FCHSD2: variants seen among roughly 807,000 people sequenced by gnomAD.
FCHSD2 encodes FCH and double SH3 domains 2.
Under a neutral mutation model 108.1 loss-of-function variants are expected in FCHSD2, and 38 were observed. That is an observed-to-expected ratio of 0.35 (90% CI 0.27 to 0.46). The LOEUF is 0.46. Ranked by LOEUF, FCHSD2 falls within the 20% of genes least tolerant of loss-of-function variation. The pLI, the probability that FCHSD2 is intolerant of heterozygous loss-of-function variation, is 1.00. For synonymous variants in FCHSD2, 279 were observed against 314.7 expected, an observed-to-expected ratio of 0.89 and a Z score of 1.20; for missense variants, 751 against 897.8, an observed-to-expected ratio of 0.84 and a Z score of 2.09.
intron 2 of FCHSD2, among the ~76,000 whole-genome samples, chr11:73,108,054 T>C (rs1860386919): frequency 1.3e-5 from 2 of 152,368 alleles, no homozygotes; most frequent in South Asian, 4.1e-4. Context: ...GGGTCCCCTT[T>C]TCTCCACATC....
At chr11:72,926,330 C>G (rs1407712755) in intron 8 of FCHSD2, among the ~76,000 whole-genome samples, 2 of 152,132 alleles carry the variant, frequency 1.3e-5, no homozygotes, top group Non-Finnish European at 1.5e-5. Flanking sequence ...TGGGCTCAGA[C>G]AGAGCAGAGC....
intron 3 of FCHSD2, among the ~76,000 whole-genome samples, chr11:73,058,025 G>A (rs1859070138): frequency 6.6e-6 from 1 of 151,932 alleles, no homozygotes; most frequent in Non-Finnish European, 1.5e-5. Context: ...GACTACAGGC[G>A]CCCACGACCA....
intron 3 of FCHSD2, among the ~76,000 whole-genome samples, chr11:73,018,663 TTTTTGCCA>T (rs928323704): frequency 5.8e-4 from 89 of 152,242 alleles, no homozygotes; most frequent in African/African-American, 1.9e-3. Context: ...TCCATTTATG[TTTTTGCCA>T]TTCTGTGTTA....
chr11:73,047,719 C>T (rs1469357025), intron 3 of FCHSD2, among the ~76,000 whole-genome samples: 1 of 152,180 alleles, frequency 6.6e-6, no homozygotes, highest in African/African-American at 2.4e-5. Context: ...GTGACCCCAA[C>T]AAGTACTTTC....
At chr11:73,060,433 A>AT (rs1385746465) in intron 3 of FCHSD2, among the ~76,000 whole-genome samples, 1 of 152,212 alleles carries the variant, frequency 6.6e-6, no homozygotes, top group African/African-American at 2.4e-5. Context: ...AAATACCAGG[A>AT]TAAAAAAAAA....
intron 13 of FCHSD2, among the ~76,000 whole-genome samples, chr11:72,851,678 G>C (rs1187811683): frequency 2.6e-5 from 4 of 152,138 alleles, no homozygotes; most frequent in Non-Finnish European, 5.9e-5. Flanking sequence ...GGGAGGCAGA[G>C]GTTGCAGTGA....
intron 8 of FCHSD2, among the ~76,000 whole-genome samples, chr11:72,958,164 A>G (rs1856749901): frequency 6.6e-6 from 1 of 152,208 alleles, no homozygotes; most frequent in Admixed American, 6.5e-5. Context: ...AAGGGGAAAG[A>G]TGGCTTGCTT....
chr11:73,094,729 T>G (rs959657384), intron 2 of FCHSD2, among the ~76,000 whole-genome samples: 2 of 152,230 alleles, frequency 1.3e-5, no homozygotes, highest in South Asian at 4.1e-4. Context: ...AGTGCTTTTA[T>G]TATCAGCAAA....
intron 13 of FCHSD2, among the ~76,000 whole-genome samples, chr11:72,859,864 A>G (rs1861524414): frequency 6.6e-6 from 1 of 152,228 alleles, no homozygotes; most frequent in Non-Finnish European, 1.5e-5. Flanking sequence ...TAAAAACTTC[A>G]TAAGGCACAG....
intron 12 of FCHSD2, among the ~76,000 whole-genome samples, chr11:72,887,054 G>C (rs1466933809): frequency 2.0e-5 from 3 of 151,144 alleles, no homozygotes; most frequent in African/African-American, 7.3e-5. Flanking sequence ...TTCCATATGG[G>C]GGAGATTTCC....
chr11:72,881,792 AT>A (rs1436364616), intron 12 of FCHSD2, among the ~76,000 whole-genome samples: 1 of 152,252 alleles, frequency 6.6e-6, no homozygotes, highest in Non-Finnish European at 1.5e-5. Context: ...AAAGACAAAT[AT>A]CACATGTTCT....
Position 72,836,758 on chromosome 11 carries a change from TTTA to T in FCHSD2, c.*2030_*2032del. 1 of 152,646 alleles carries T rather than the reference TTTA, an allele frequency of 6.6e-6. No homozygotes were observed. The highest frequency in any genetic ancestry group is 1.9e-4 in the East Asian group (1 of 5,202). 9.5% of individuals were successfully genotyped at this position (152,646 alleles called of 1,614,324 possible). On this transcript the variant is annotated 3_prime_UTR_variant, in exon 20 of 20. Coordinates refer to ENST00000409418, the MANE Select transcript of FCHSD2 (RefSeq NM_014824.3). Reference sequence around the variant, plus strand: ...ACTTAGAAAACATAATTCCATTTTTTTTATTATTCAACATTTTATACATAATAA... The same window carrying T: ...ACTTAGAAAACATAATTCCATTTTTTTTATTCAACATTTTATACATAATAA...
chr11:73,034,517 G>C (rs559383402), intron 3 of FCHSD2, among the ~76,000 whole-genome samples: 1 of 152,284 alleles, frequency 6.6e-6, no homozygotes, highest in Non-Finnish European at 1.5e-5. Flanking sequence ...CCTGTACCAA[G>C]GAAATAGAGA....
chr11:72,930,629 C>T (rs1856170305), intron 8 of FCHSD2, among the ~76,000 whole-genome samples: 1 of 152,032 alleles, frequency 6.6e-6, no homozygotes, highest in Admixed American at 6.6e-5. Flanking sequence ...TCCGTAGTCC[C>T]AATTATTTGG....
intron 2 of FCHSD2, among the ~76,000 whole-genome samples, chr11:73,100,365 TTG>T (rs1860194523): frequency 6.6e-6 from 1 of 152,000 alleles, no homozygotes; most frequent in Non-Finnish European, 1.5e-5. Flanking sequence ...GTTGTTGTTG[TTG>T]TTGTTGTTGT....
At chr11:72,843,379 G>A (rs1281155267) in intron 15 of FCHSD2, 51 bp from the exon 16 acceptor site, 1 of 1,610,054 alleles carries the variant, frequency 6.2e-7, no homozygotes, top group East Asian at 2.2e-5. Context: ...ATTTAGACAG[G>A]GCACAACAAA....
chr11:73,012,529 A>G (rs778744507), intron 4 of FCHSD2, among the ~76,000 whole-genome samples: 1 of 152,230 alleles, frequency 6.6e-6, no homozygotes, highest in Non-Finnish European at 1.5e-5. Context: ...GCAAATATAA[A>G]TACGAAAAAG....
At chr11:73,106,291 C>T (rs1275559440) in intron 2 of FCHSD2, among the ~76,000 whole-genome samples, 1 of 151,086 alleles carries the variant, frequency 6.6e-6, no homozygotes, top group Non-Finnish European at 1.5e-5. Flanking sequence ...CCTATATCCC[C>T]AGCATTCGGG....
intron 9 of FCHSD2, among the ~76,000 whole-genome samples, chr11:72,906,526 C>T (rs1026395601): frequency 4.6e-5 from 7 of 152,098 alleles, no homozygotes; most frequent in Admixed American, 3.3e-4. Flanking sequence ...ATGGTATTGC[C>T]TAGGTTTTCT....
Sources: allele counts gnomAD v4.1 joint callset (sites outside exome capture counted in the v4.1 genomes callset), GRCh38; gene constraint gnomAD v4.1.1; transcripts MANE v1.5; gene names NCBI Gene and HGNC (gene_info 2026-07-23, HGNC 2026-07-21).